CCDC3: variants seen among roughly 807,000 people sequenced by gnomAD.
The protein encoded by CCDC3 is coiled-coil domain-containing protein 3.
In CCDC3, 24 loss-of-function variants were observed where a neutral mutation model predicts 21.4. That is an observed-to-expected ratio of 1.12 (90% CI 0.81 to 1.58). The LOEUF (loss-of-function observed/expected upper bound fraction) is 1.58. Among genes scored for constraint, CCDC3 ranks in the 40% most tolerant of loss-of-function variants. CCDC3 has a pLI of 0.00. For synonymous variants in CCDC3, 186 were observed against 166.0 expected, an observed-to-expected ratio of 1.12 and a Z score of -0.93; for missense variants, 425 against 360.9, an observed-to-expected ratio of 1.18 and a Z score of -1.44.
intron 2 of CCDC3, among the ~76,000 whole-genome samples, chr10:12,982,228 G>A (rs1253707952): frequency 3.4e-5 from 5 of 148,956 alleles, no homozygotes; most frequent in Admixed American, 3.4e-4. Context: ...ATTAAGCTAA[G>A]TGAAATGAGC....
intron 5 of CCDC3, among the ~76,000 whole-genome samples, chr10:13,010,417 G>A (rs1276920113): frequency 1.3e-5 from 2 of 152,134 alleles, no homozygotes; most frequent in African/African-American, 2.4e-5. Flanking sequence ...AAACCATTAT[G>A]AGATACTCCT....
intron 5 of CCDC3, among the ~76,000 whole-genome samples, chr10:13,024,728 C>T (rs918590753): frequency 4.6e-5 from 7 of 152,174 alleles, no homozygotes; most frequent in African/African-American, 1.7e-4. Context: ...TAAAAAGAAG[C>T]CAGATTGCGC....
intron 4 of CCDC3, among the ~76,000 whole-genome samples, chr10:13,055,496 A>G (rs1836669650): frequency 7.2e-6 from 1 of 139,052 alleles, no homozygotes; most frequent in South Asian, 2.2e-4. Flanking sequence ...TACCTGGTTA[A>G]TTAAAAAAAA....
At chr10:12,916,042 C>A (rs79036742) in intron 2 of CCDC3, among the ~76,000 whole-genome samples, 1 of 152,030 alleles carries the variant, frequency 6.6e-6, no homozygotes, top group Non-Finnish European at 1.5e-5. Flanking sequence ...AGGCCAAGCA[C>A]TCGATTGTCC....
chr10:12,911,066 T>A (rs1051110684), intron 2 of CCDC3, among the ~76,000 whole-genome samples: 4 of 152,222 alleles, frequency 2.6e-5, no homozygotes, highest in Non-Finnish European at 4.4e-5. Context: ...TTCAACAGTT[T>A]GCTGTTCCAT....
chr10:13,078,401 T>C (rs1288132246), intron 3 of CCDC3, among the ~76,000 whole-genome samples: 4 of 152,178 alleles, frequency 2.6e-5, no homozygotes, highest in Admixed American at 6.6e-5. Context: ...AACACTTTTA[T>C]ACTGTTGGTG....
intron 2 of CCDC3, among the ~76,000 whole-genome samples, chr10:12,985,589 C>T (rs73583852): frequency 0.015 from 2,340 of 152,248 alleles, 63 homozygotes; most frequent in African/African-American, 0.053. Context: ...GGAATACTAC[C>T]CAGCAATGAA....
intron 2 of CCDC3, among the ~76,000 whole-genome samples, chr10:12,900,542 AAAG>A (rs1405685704): frequency 2.2e-5 from 3 of 138,844 alleles, no homozygotes; most frequent in Admixed American, 7.1e-5. Context: ...AAAAAAAAAA[AAAG>A]CCGGGCGTCG....
intron 3 of CCDC3, among the ~76,000 whole-genome samples, chr10:13,089,596 C>G (rs764249489): frequency 4.6e-5 from 7 of 152,100 alleles, no homozygotes; most frequent in Admixed American, 3.9e-4. Context: ...CTCTTCTCTC[C>G]TCTCCAACTT....
chr10:12,946,054 T>C (rs924849246), intron 2 of CCDC3, among the ~76,000 whole-genome samples: 1 of 152,238 alleles, frequency 6.6e-6, no homozygotes, highest in Non-Finnish European at 1.5e-5. Context: ...TACGTCATCA[T>C]AGTAGTATCT....
At chr10:12,916,577 G>C (rs576639895) in intron 2 of CCDC3, among the ~76,000 whole-genome samples, 7 of 150,712 alleles carry the variant, frequency 4.6e-5, no homozygotes, top group South Asian at 4.2e-4. Flanking sequence ...CTGAGATCAC[G>C]CCACTGCACT....
At chr10:13,025,607 C>T (rs1378699732) in intron 5 of CCDC3, among the ~76,000 whole-genome samples, 3 of 152,210 alleles carry the variant, frequency 2.0e-5, no homozygotes, top group Non-Finnish European at 2.9e-5. Context: ...AAACTACCAT[C>T]GAACCTGTTT....
chr10:12,965,930 A>G (rs1835256346), intron 2 of CCDC3, among the ~76,000 whole-genome samples: 1 of 152,208 alleles, frequency 6.6e-6, no homozygotes, highest in Non-Finnish European at 1.5e-5. Flanking sequence ...TAAATCATTG[A>G]GTCTTGTGAA....
rs1198712659 is a variant in CCDC3, at chr10:12,992,355, C to T, written c.549+5983G>A. Reference sequence around the variant, plus strand: ...AGTGAGCTGAGATTGCGCCACTGCACTCCAGCCTGGGCAGCAGACCAAGAC... The same window carrying T: ...AGTGAGCTGAGATTGCGCCACTGCATTCCAGCCTGGGCAGCAGACCAAGAC... On this transcript the variant is annotated intron_variant, in intron 2 of 2. Transcript: ENST00000378825. Among the ~76,000 whole-genome samples the T allele has an allele frequency of 2.0e-5, 3 of 152,172 alleles. No homozygotes were observed. In the East Asian group the frequency reaches 5.8e-4, roughly 29 times the overall value.
chr10:13,040,604 C>T (rs1158110661), intron 5 of CCDC3, among the ~76,000 whole-genome samples: 2 of 151,856 alleles, frequency 1.3e-5, no homozygotes, highest in African/African-American at 2.4e-5. Context: ...GCAGGAGAAT[C>T]GCTTGAACCT....
At chr10:12,940,578 A>T (rs1412719051) in intron 2 of CCDC3, among the ~76,000 whole-genome samples, 1 of 152,216 alleles carries the variant, frequency 6.6e-6, no homozygotes, top group Admixed American at 6.5e-5. Context: ...AATTAGTTCC[A>T]TGACTGTCCA....
intron 3 of CCDC3, among the ~76,000 whole-genome samples, chr10:13,089,166 G>T (rs1837149577): frequency 6.6e-6 from 1 of 152,140 alleles, no homozygotes; most frequent in South Asian, 2.1e-4. Flanking sequence ...AGAGCTTACA[G>T]ATAGTGGCTA....
At chr10:12,965,929 G>C (rs1330933188) in intron 2 of CCDC3, among the ~76,000 whole-genome samples, 1 of 152,192 alleles carries the variant, frequency 6.6e-6, no homozygotes, top group Non-Finnish European at 1.5e-5. Context: ...ATAAATCATT[G>C]AGTCTTGTGA....
intron 5 of CCDC3, among the ~76,000 whole-genome samples, chr10:13,021,535 C>T (rs949486002): frequency 2.0e-5 from 3 of 152,208 alleles, no homozygotes; most frequent in East Asian, 1.9e-4. Flanking sequence ...CCCAGAGGTG[C>T]GGCTTCCTTT....
Sources: allele counts gnomAD v4.1 joint callset (sites outside exome capture counted in the v4.1 genomes callset), GRCh38; gene constraint gnomAD v4.1.1; transcripts MANE v1.5; gene names NCBI Gene and HGNC (gene_info 2026-07-23, HGNC 2026-07-21).